The following FABP6 variants were observed in gnomAD, a reference collection of about 807,000 sequenced individuals.
The protein encoded by FABP6 is fatty acid binding protein 6.
A neutral mutation model predicts 14.9 loss-of-function variants in FABP6; 13 were observed. The observed-to-expected ratio is 0.87, with a 90% CI of 0.57 to 1.39. FABP6 has a LOEUF of 1.39. Ranked by LOEUF, FABP6 falls within the 40% of genes most tolerant of loss-of-function variation. The pLI, the probability that FABP6 is intolerant of heterozygous loss-of-function variation, is 0.00. For missense variants in FABP6, 161 were observed against 167.2 expected (o/e 0.96, Z 0.20); for synonymous variants, 75 against 63.6 (o/e 1.18, Z -0.85).
At chr5:160,234,078 G>C (rs1464605203) in intron 2 of FABP6, among the ~76,000 whole-genome samples, 1 of 152,162 alleles carries the variant, frequency 6.6e-6, no homozygotes, top group Non-Finnish European at 1.5e-5. Context: ...AGCAAAAAAG[G>C]AGAGCAGATA....
chr5:160,199,243 G>A, intron 2 of FABP6: 1 of 1,382,172 alleles, frequency 7.2e-7, no homozygotes, highest in Non-Finnish European at 1.0e-6. Flanking sequence ...TTGGGTGGGG[G>A]ACTTGCTCGC....
At chr5:160,217,983 G>C (rs1158957139) in intron 3 of FABP6, among the ~76,000 whole-genome samples, 1 of 152,040 alleles carries the variant, frequency 6.6e-6, no homozygotes, top group Non-Finnish European at 1.5e-5. Flanking sequence ...CTGTCACCCA[G>C]GAGGTAGTGC....
At chr5:160,200,841 C>CAT (rs778310559) in intron 2 of FABP6, among the ~76,000 whole-genome samples, 50,233 of 151,750 alleles carry the variant, frequency 0.33, 8,948 homozygotes, top group Non-Finnish European at 0.4. Flanking sequence ...TCCTTCAAAC[C>CAT]TAGCCCTTGG....
chr5:160,204,271 C>G (rs1366788482), intron 2 of FABP6, among the ~76,000 whole-genome samples: 3 of 151,906 alleles, frequency 2.0e-5, no homozygotes, highest in Admixed American at 6.6e-5. Context: ...GAGCTATAAT[C>G]CTGCCATTGC....
intron 1 of FABP6, among the ~76,000 whole-genome samples, chr5:160,194,118 C>T (rs950154145): frequency 6.6e-6 from 1 of 152,204 alleles, no homozygotes; most frequent in African/African-American, 2.4e-5. Context: ...CCCAGTACAC[C>T]CTCCGCAGCC....
chr5:160,204,347 A>C (rs1759713025), intron 2 of FABP6, among the ~76,000 whole-genome samples: 1 of 146,860 alleles, frequency 6.8e-6, no homozygotes, highest in Non-Finnish European at 1.5e-5. Flanking sequence ...AATAAAAATA[A>C]ATAATACGTT....
chr5:160,226,567 C>A (rs148194728), upstream of FABP6, among the ~76,000 whole-genome samples: 401 of 151,438 alleles, frequency 2.6e-3, 2 homozygotes, highest in African/African-American at 8.9e-3. Flanking sequence ...AAACTATACA[C>A]TGGGGCTCTG....
At chr5:160,191,106 A>AG (rs397956673) in intron 1 of FABP6, among the ~76,000 whole-genome samples, 5 of 148,844 alleles carry the variant, frequency 3.4e-5, no homozygotes, top group African/African-American at 9.9e-5. Flanking sequence ...AAAAAAAAAA[A>AG]GCAAATCAGA....
At chr5:160,229,161 A>C (rs1414969694), upstream of FABP6, among the ~76,000 whole-genome samples, 1 of 152,210 alleles carries the variant, frequency 6.6e-6, no homozygotes, top group Admixed American at 6.5e-5. Flanking sequence ...CTGGCCCTGC[A>C]TGCAGCAAGT....
In FABP6 at chr5:160,238,518, G is replaced by A. The variant is rs1029237729; in HGVS notation, c.334-88G>A. The A allele has an allele frequency of 1.8e-6, 2 of 1,141,098 alleles. 1 individual carries two copies. The highest frequency in any genetic ancestry group is 2.5e-5 in the South Asian group (2 of 80,794). The allele number at this position is 1,141,098 out of a possible 1,614,324, so 70.7% of individuals were successfully genotyped here. On this transcript the variant is annotated intron_variant, in intron 3 of 3. Coordinates refer to ENST00000402432, the MANE Select transcript of FABP6 (RefSeq NM_001445.3). ...CCTGACTCTTATCTACTCAAGGCCG[G>A]GGTTGGAGACTCATCTTCCTTCAGC...
upstream of FABP6, among the ~76,000 whole-genome samples, chr5:160,227,668 A>G (rs1266772187): frequency 6.6e-6 from 1 of 151,990 alleles, no homozygotes; most frequent in Non-Finnish European, 1.5e-5. Context: ...CTGGGCGACA[A>G]AGAGAGACCC....
chr5:160,222,100 T>TTC (rs1232815188), intron 3 of FABP6, among the ~76,000 whole-genome samples: 4 of 150,344 alleles, frequency 2.7e-5, no homozygotes, highest in Admixed American at 1.3e-4. Flanking sequence ...CTTTTCTTTT[T>TTC]TTTTTTTTTT....
intron 1 of FABP6, among the ~76,000 whole-genome samples, chr5:160,193,883 C>T (rs541667366): frequency 5.3e-5 from 8 of 152,238 alleles, no homozygotes; most frequent in Non-Finnish European, 8.8e-5. Flanking sequence ...GCCAGTCACG[C>T]GCCATGCGCT....
intron 2 of FABP6, among the ~76,000 whole-genome samples, chr5:160,211,906 T>C (rs1175814857): frequency 6.6e-6 from 1 of 151,912 alleles, no homozygotes; most frequent in Non-Finnish European, 1.5e-5. Flanking sequence ...AAGGCAGGCT[T>C]CCTGCCTTCC....
At chr5:160,219,746 C>A (rs1760092425) in intron 3 of FABP6, among the ~76,000 whole-genome samples, 1 of 152,126 alleles carries the variant, frequency 6.6e-6, no homozygotes, top group Non-Finnish European at 1.5e-5. Flanking sequence ...TAAGCGGGGG[C>A]CTGGAGAAGC....
intron 1 of FABP6, among the ~76,000 whole-genome samples, chr5:160,193,593 C>T (rs113772064): frequency 3.3e-5 from 5 of 152,212 alleles, no homozygotes; most frequent in African/African-American, 1.2e-4. Flanking sequence ...TTCTCCTCAT[C>T]CCCATCAGAT....
intron 2 of FABP6, among the ~76,000 whole-genome samples, chr5:160,200,340 G>C (rs1309521387): frequency 6.6e-6 from 1 of 152,088 alleles, no homozygotes; most frequent in African/African-American, 2.4e-5. Context: ...TCAGGCCCTA[G>C]TTCTTTCTGC....
At chr5:160,218,132 C>T (rs559188609) in intron 3 of FABP6, among the ~76,000 whole-genome samples, 5 of 151,930 alleles carry the variant, frequency 3.3e-5, no homozygotes, top group Admixed American at 2.6e-4. Context: ...TTTTTAGGGA[C>T]AAGTTCTTGC....
At chr5:160,197,940 GTGTGTGTGTGTGTA>G (rs879371022) in intron 1 of FABP6, 3,575 of 145,938 alleles carry the variant, frequency 0.024, 43 homozygotes, top group East Asian at 0.037. Context: ...GTGTGTGTGT[GTGTGTGTGTGTGTA>G]TGTGTGTGTG....
Sources: allele counts gnomAD v4.1 joint callset (sites outside exome capture counted in the v4.1 genomes callset), GRCh38; gene constraint gnomAD v4.1.1; transcripts MANE v1.5; gene names NCBI Gene and HGNC (gene_info 2026-07-23, HGNC 2026-07-21).